NOL10: variants seen among roughly 807,000 people sequenced by gnomAD.
NOL10 encodes H_NH0074G24.1.
In NOL10, 58 loss-of-function variants were observed where a neutral mutation model predicts 103.5. The observed-to-expected ratio is 0.56, with a 90% CI of 0.45 to 0.70. The LOEUF is 0.70. NOL10 is among the 30% of genes least tolerant of loss of function. The pLI, the probability that NOL10 is intolerant of heterozygous loss-of-function variation, is 0.00. For missense variants in NOL10, 763 were observed against 807.3 expected (o/e 0.95, Z 0.67); for synonymous variants, 287 against 282.5 (o/e 1.02, Z -0.16).
chr2:10,589,148 A>C lies in NOL10; in HGVS notation c.1739T>G (p.Leu580Arg). The C allele has an allele frequency of 5.6e-6, 9 of 1,613,968 alleles. No homozygotes were observed. The highest frequency in any genetic ancestry group is 7.6e-6 in the Non-Finnish European group (9 of 1,179,890). ...QEEKVKRQERLKEDQQTVLKP... is the reference protein window; with the variant it reads ...QEEKVKRQERRKEDQQTVLKP... ...TAGGACTGTCTGCTGGTCCTCCTTG[A>C]GTCGTTCCTGCCGCTTCACTTTTTC... Residue 580 changes from leucine to arginine, a missense_variant, in exon 19 of 21, where the codon CTC (leucine) becomes CGC (arginine). Physicochemically the swap from Leu to Arg is moderately radical, Grantham distance 102. Coordinates refer to ENST00000381685, the MANE Select transcript of NOL10 (RefSeq NM_024894.4).
At chr2:10,619,247 C>T (rs3900609) in intron 13 of NOL10, among the ~76,000 whole-genome samples, 87,336 of 151,842 alleles carry the variant, frequency 0.58, 26,234 homozygotes, top group African/African-American at 0.74. Context: ...CGGGCTTAAG[C>T]TATCCTCCTG....
intron 9 of NOL10, 91 bp from the exon 10 acceptor site, chr2:10,659,341 T>G (rs1680035391): frequency 7.1e-4 from 178 of 251,624 alleles, no homozygotes; most frequent in Non-Finnish European, 9.7e-4. Context: ...TCAAATCTAA[T>G]GGGGGGGGGG....
chr2:10,637,147 C>G (rs896576048), intron 13 of NOL10, among the ~76,000 whole-genome samples: 1 of 125,914 alleles, frequency 7.9e-6, no homozygotes, highest in African/African-American at 3.0e-5. Flanking sequence ...GTTGATTGTG[C>G]TACTGCACTC....
chr2:10,628,282 A>G (rs2148236982), intron 13 of NOL10, among the ~76,000 whole-genome samples: 1 of 152,196 alleles, frequency 6.6e-6, no homozygotes, highest in African/African-American at 2.4e-5. Flanking sequence ...ACACAGGTAC[A>G]CTCTGCACAT....
chr2:10,597,182 A>G (rs1001127897), intron 17 of NOL10, among the ~76,000 whole-genome samples: 1 of 152,208 alleles, frequency 6.6e-6, no homozygotes, highest in Non-Finnish European at 1.5e-5. Flanking sequence ...GAGTTTGGAT[A>G]ATGTCCATAT....
chr2:10,689,039 T>C (rs1393348752), intron 1 of NOL10, among the ~76,000 whole-genome samples: 2 of 152,168 alleles, frequency 1.3e-5, no homozygotes, highest in Non-Finnish European at 2.9e-5. Context: ...AGTCTCAAAA[T>C]GGAAATGAGC....
chr2:10,659,208 A>G lies in NOL10; in HGVS notation c.720T>C (p.Gly240=). The G allele has an allele frequency of 6.2e-7, 1 of 1,605,428 alleles. No homozygotes were observed. The highest frequency in any genetic ancestry group is 8.5e-7 in the Non-Finnish European group (1 of 1,175,718). ...TTGTTCCAACTGCCATGGTCAAGGC[A>G]CCATTAAATTTCAAAGCAGAGATTG... is the stretch of plus-strand genomic sequence containing the variant. ...LPTISALKFN[G]ALTMAVGTTT... The change falls in exon 10 of 21, where the codon GGT becomes GGC. Residue 240 remains glycine (G), a synonymous_variant. Transcript: ENST00000381685.
intron 12 of NOL10, 82 bp downstream of exon 12, chr2:10,654,399 C>A: frequency 9.8e-7 from 1 of 1,018,302 alleles, no homozygotes; most frequent in South Asian, 1.6e-5. Context: ...AAAGTATAGC[C>A]TTTTTATTTG....
chr2:10,670,303 G>T (rs750755499), intron 6 of NOL10, among the ~76,000 whole-genome samples: 3 of 151,996 alleles, frequency 2.0e-5, no homozygotes, highest in Non-Finnish European at 4.4e-5. Context: ...AAATACTGCT[G>T]TATTTTCAGG....
chr2:10,582,410 T>C (rs532651915), intron 19 of NOL10, among the ~76,000 whole-genome samples: 5 of 152,322 alleles, frequency 3.3e-5, no homozygotes, highest in East Asian at 1.9e-4. Flanking sequence ...GCAGCTAATA[T>C]TGACTACCCA....
At chr2:10,678,740 G>C (rs941546728) in intron 3 of NOL10, among the ~76,000 whole-genome samples, 1 of 152,100 alleles carries the variant, frequency 6.6e-6, no homozygotes, top group Admixed American at 6.6e-5. Flanking sequence ...GATAGATACC[G>C]AGATTGAAAG....
At chr2:10,576,056 A>C (rs1360026307) in intron 20 of NOL10, among the ~76,000 whole-genome samples, 1 of 152,230 alleles carries the variant, frequency 6.6e-6, no homozygotes, top group Non-Finnish European at 1.5e-5. Flanking sequence ...ATCAGAGATG[A>C]ATGGGTACAG....
rs767409237 is a variant in NOL10, at chr2:10,668,759, A to C, written c.465-36T>G. 1.0e-4 allele frequency: 93 copies of C among 914,434 alleles called. 1 individual carries two copies. In the East Asian group the frequency reaches 2.5e-3, roughly 24 times the overall value. The allele number at this position is 914,434 out of a possible 1,614,324, so 56.6% of individuals were successfully genotyped here. A position where few individuals can be genotyped will look rare whatever the true frequency, so the allele number is the denominator to read the frequency against. ...ATAAAGAAAGTTAAAAACCTGCTAA[A>C]CTACAATGAAACTTTAAGTAAATAT... On this transcript the variant is annotated intron_variant, in intron 6 of 20. Transcript: ENST00000381685.
chr2:10,632,102 C>T (rs185128098), intron 13 of NOL10, among the ~76,000 whole-genome samples: 256 of 152,272 alleles, frequency 1.7e-3, no homozygotes, highest in Admixed American at 5.8e-3. Flanking sequence ...TTATCAAAGA[C>T]GCTCCAAATT....
chr2:10,681,885 A>G, intron 3 of NOL10, 86 bp downstream of exon 3: 1 of 495,800 alleles, frequency 2.0e-6, no homozygotes, highest in South Asian at 7.0e-5. Context: ...ATAATAAAAT[A>G]TTAGGGTTAA....
chr2:10,687,043 G>C (rs191334464), intron 1 of NOL10, among the ~76,000 whole-genome samples: 1 of 152,198 alleles, frequency 6.6e-6, no homozygotes, highest in African/African-American at 2.4e-5. Context: ...AGGATCACCA[G>C]GGGAGTAAAC....
rs1183273952 is a variant in NOL10 at position 10,662,956 on chromosome 2, TACTC to T, written c.676_677+2del. On this transcript the variant is annotated splice_donor_variant and coding_sequence_variant, in exon 9 of 21. Coordinates refer to ENST00000381685, the MANE Select transcript of NOL10 (RefSeq NM_024894.4). LOFTEE classifies it high-confidence loss of function. ...TTTACATTGCAAATTAATTTCTACTTACTCTGAATCTGCTGTGACACTGTTTAAG... is the reference window on the plus strand; with the variant it reads ...TTTACATTGCAAATTAATTTCTACTTTGAATCTGCTGTGACACTGTTTAAG... 1 of 1,609,142 alleles carries T rather than the reference TACTC, an allele frequency of 6.2e-7. No homozygotes were observed. The highest frequency in any genetic ancestry group is 1.7e-5 in the Admixed American group (1 of 59,962).
At chr2:10,580,535 A>C (rs1387162177) in intron 19 of NOL10, among the ~76,000 whole-genome samples, 1 of 152,194 alleles carries the variant, frequency 6.6e-6, no homozygotes, top group Non-Finnish European at 1.5e-5. Context: ...AAGAAAATAG[A>C]TACAGGCTTT....
At chr2:10,650,543 C>T (rs544922839) in intron 12 of NOL10, among the ~76,000 whole-genome samples, 20 of 152,224 alleles carry the variant, frequency 1.3e-4, no homozygotes, top group African/African-American at 4.6e-4. Context: ...TAAAAGCATG[C>T]TTATTTTTAC....
Sources: allele counts gnomAD v4.1 joint callset (sites outside exome capture counted in the v4.1 genomes callset), GRCh38; gene constraint gnomAD v4.1.1; transcripts MANE v1.5; gene names NCBI Gene and HGNC (gene_info 2026-07-23, HGNC 2026-07-21).